CCDC88A: variants seen among roughly 807,000 people sequenced by gnomAD.
CCDC88A encodes girdin.
A neutral mutation model predicts 234.3 loss-of-function variants in CCDC88A; 54 were observed. The observed-to-expected ratio is 0.23, with a 90% CI of 0.19 to 0.29. CCDC88A has a LOEUF of 0.29. Ranked by LOEUF, CCDC88A falls within the 10% of genes least tolerant of loss-of-function variation. The probability of loss-of-function intolerance (pLI) is 1.00; values close to 1 mark genes in which losing one functional copy is unlikely to be tolerated. For synonymous variants in CCDC88A, 753 were observed against 737.8 expected (o/e 1.02, Z -0.33); for missense variants, 1,832 against 2,123.4 (o/e 0.86, Z 2.70).
At chr2:55,297,381 A>AAATATATATAATATATATTGTATAT (rs1491145761) in intron 29 of CCDC88A, among the ~76,000 whole-genome samples, 1 of 96,874 alleles carries the variant, frequency 1.0e-5, no homozygotes, top group African/African-American at 5.2e-5. Flanking sequence ...TATTATATAT[A>AAATATATATAATATATATTGTATAT]AATATATATT....
At chr2:55,341,889 A>G (rs1189666944) in intron 12 of CCDC88A, among the ~76,000 whole-genome samples, 1 of 152,186 alleles carries the variant, frequency 6.6e-6, no homozygotes, top group Non-Finnish European at 1.5e-5. Flanking sequence ...GAATGCAGAT[A>G]TCTCTTTGAT....
At chr2:55,378,901 A>G (rs1373143426) in intron 3 of CCDC88A, among the ~76,000 whole-genome samples, 1 of 152,050 alleles carries the variant, frequency 6.6e-6, no homozygotes, top group East Asian at 1.9e-4. Context: ...GCCCGCCACC[A>G]CATCCAGCCA....
intron 6 of CCDC88A, 181 bp downstream of exon 6, chr2:55,363,769 C>T: frequency 2.1e-6 from 1 of 470,342 alleles, no homozygotes; most frequent in Middle Eastern, 5.3e-4. Flanking sequence ...TTGTAGTTAA[C>T]AGTGTGCCAA....
At chr2:55,349,818 TG>T in intron 8 of CCDC88A, 1 of 443,284 alleles carries the variant, frequency 2.3e-6, no homozygotes, top group Non-Finnish European at 3.9e-6. Flanking sequence ...CAAAGGCTAA[TG>T]TTCTCATAGT....
intron 18 of CCDC88A, among the ~76,000 whole-genome samples, chr2:55,319,459 G>A (rs1490088685): frequency 1.3e-5 from 2 of 152,084 alleles, no homozygotes; most frequent in Non-Finnish European, 2.9e-5. Flanking sequence ...CAGAGATAGT[G>A]CAAAACTAAG....
chr2:55,366,530 C>CACAT (rs1410217738), intron 5 of CCDC88A, among the ~76,000 whole-genome samples: 68 of 120,268 alleles, frequency 5.7e-4, no homozygotes, highest in Admixed American at 2.2e-3. Context: ...CTGTCACACA[C>CACAT]ACATACACAC....
intron 5 of CCDC88A, among the ~76,000 whole-genome samples, chr2:55,366,388 A>T (rs959219086): frequency 6.6e-6 from 1 of 151,972 alleles, no homozygotes; most frequent in African/African-American, 2.4e-5. Context: ...TTAGCCAGGC[A>T]TGGTGGCAGG....
intron 2 of CCDC88A, among the ~76,000 whole-genome samples, chr2:55,392,112 A>G (rs1676748985): frequency 6.6e-6 from 1 of 152,146 alleles, no homozygotes; most frequent in Non-Finnish European, 1.5e-5. Flanking sequence ...CACAGAACAG[A>G]TGTTGTGTTC....
At position 55,317,393 on chromosome 2, in the gene CCDC88A, G is replaced by C; in HGVS notation, c.3603-44C>G. The C allele has an allele frequency of 7.4e-7, 1 of 1,350,714 alleles. No individual in the cohort carries two copies. Among genetic ancestry groups the C allele is most frequent in the Non-Finnish European group, 9.8e-7 (1 of 1,020,374 alleles). The allele number at this position is 1,350,714 out of a possible 1,614,324, so 83.7% of individuals were successfully genotyped here. On this transcript the variant is annotated intron_variant, in intron 20 of 32. Coordinates refer to ENST00000436346, the MANE Select transcript of CCDC88A (RefSeq NM_001365480.1). The surrounding 1 kb of genome is among the most constrained non-coding windows in gnomAD (Gnocchi z 4.2). ...TTTGGTTTATAATATTTACAAAAAA[G>C]AAATTTTAGAAATGAAGGAAATGAG... is the stretch of plus-strand genomic sequence containing the variant.
rs1671442702 is a variant in CCDC88A at position 55,362,422 on chromosome 2, A to AC, written c.512_513insG (p.Phe171LeufsTer2). On this transcript the variant is annotated frameshift_variant, in exon 7 of 33. Coordinates refer to ENST00000436346, the MANE Select transcript of CCDC88A (RefSeq NM_001365480.1). LOFTEE classifies it high-confidence loss of function. ...CAGTCACTTCCATCCATTGCAGGTC[A>AC]AACACATTTTCCTGATTATGAGTTA... The AC allele has an allele frequency of 6.2e-7, 1 of 1,603,908 alleles. No individual in the cohort carries two copies. The highest frequency in any genetic ancestry group is 1.7e-5 in the Admixed American group (1 of 57,482).
At chr2:55,330,920 TC>T (rs373506844) in intron 16 of CCDC88A, among the ~76,000 whole-genome samples, 8 of 152,336 alleles carry the variant, frequency 5.3e-5, no homozygotes, top group African/African-American at 9.6e-5. Flanking sequence ...TTCCCACTGT[TC>T]CCACCTTGTA....
At chr2:55,390,771 C>T (rs941922069) in intron 2 of CCDC88A, among the ~76,000 whole-genome samples, 2 of 152,192 alleles carry the variant, frequency 1.3e-5, no homozygotes, top group East Asian at 1.9e-4. Flanking sequence ...CTGACACATT[C>T]AGAAAAGAAT....
chr2:55,405,561 C>T (rs925388774), intron 2 of CCDC88A: 1 of 152,296 alleles, frequency 6.6e-6, no homozygotes, highest in African/African-American at 2.4e-5. Flanking sequence ...GGGTCCCCAA[C>T]CCCTGGGCCG....
intron 23 of CCDC88A, among the ~76,000 whole-genome samples, chr2:55,312,020 GTA>G (rs1682410117): frequency 6.6e-6 from 1 of 152,090 alleles, no homozygotes; most frequent in Admixed American, 6.6e-5. Flanking sequence ...CCATGACTTT[GTA>G]TTGCAGCTCT....
intron 5 of CCDC88A, among the ~76,000 whole-genome samples, chr2:55,366,084 C>G (rs1671899536): frequency 1.3e-5 from 2 of 152,170 alleles, no homozygotes; most frequent in Admixed American, 1.3e-4. Context: ...TAAATAATAT[C>G]AGCAAATTGT....
chr2:55,399,431 A>T (rs895344066), intron 2 of CCDC88A, among the ~76,000 whole-genome samples: 1 of 150,912 alleles, frequency 6.6e-6, no homozygotes, highest in Non-Finnish European at 1.5e-5. Context: ...CAGGAGGCTG[A>T]GGCAGAGAAT....
chr2:55,317,415 T>C lies in CCDC88A; in HGVS notation c.3603-66A>G, dbSNP rs1405907854. ...AAAGAAATTTTAGAAATGAAGGAAA[T>C]GAGTAATGAGTATCATTTAAAACAC... On this transcript the variant is annotated intron_variant, in intron 20 of 32. Coordinates refer to ENST00000436346, the MANE Select transcript of CCDC88A (RefSeq NM_001365480.1). This position sits in a 1 kb window ranked among gnomAD's most constrained non-coding sequence, Gnocchi z 4.2. 12 of 1,256,948 alleles carry C rather than the reference T, an allele frequency of 9.5e-6. No homozygotes were observed. Among genetic ancestry groups the C allele is most frequent in the Non-Finnish European group, 1.3e-5 (12 of 936,932 alleles). The allele number at this position is 1,256,948 out of a possible 1,614,324, so 77.9% of individuals were successfully genotyped here.
chr2:55,401,518 ATATATATATATATATATATATT>A (rs1558826921), intron 2 of CCDC88A, among the ~76,000 whole-genome samples: 1 of 31,056 alleles, frequency 3.2e-5, no homozygotes, highest in African/African-American at 6.3e-5. Flanking sequence ...ATATATATAT[ATATATATATATATATATATATT>A]CCTTCAACTT....
At chr2:55,396,344 A>G (rs1363536378) in intron 2 of CCDC88A, among the ~76,000 whole-genome samples, 1 of 151,924 alleles carries the variant, frequency 6.6e-6, no homozygotes, top group Non-Finnish European at 1.5e-5. Flanking sequence ...TTTTATTTCT[A>G]TTTTCTTTAT....
Sources: allele counts gnomAD v4.1 joint callset (sites outside exome capture counted in the v4.1 genomes callset), GRCh38; gene constraint gnomAD v4.1.1; non-coding constraint Gnocchi (gnomAD v3.1); transcripts MANE v1.5; gene names NCBI Gene and HGNC (gene_info 2026-07-23, HGNC 2026-07-21).